EPB41L2: variants seen among roughly 807,000 people sequenced by gnomAD.
EPB41L2 encodes band 4.1-like protein 2.
A neutral mutation model predicts 113.0 loss-of-function variants in EPB41L2; 43 were observed. The ratio of observed to expected loss-of-function variants is 0.38; its 90% confidence interval spans 0.30 to 0.49. EPB41L2 has a LOEUF of 0.49. Ranked by LOEUF, EPB41L2 falls within the 20% of genes least tolerant of loss-of-function variation. EPB41L2 has a pLI of 0.95. For synonymous variants in EPB41L2, 442 were observed against 436.7 expected (o/e 1.01, Z -0.15); for missense variants, 1,147 against 1,223.4 (o/e 0.94, Z 0.93).
intron 4 of EPB41L2, among the ~76,000 whole-genome samples, chr6:130,911,829 C>G (rs1799494857): frequency 6.6e-6 from 1 of 152,102 alleles, no homozygotes; most frequent in Admixed American, 6.5e-5. Flanking sequence ...GTACAATAAA[C>G]TAATTCAAAT....
intron 1 of EPB41L2, among the ~76,000 whole-genome samples, chr6:131,005,151 G>C (rs1191703747): frequency 6.6e-6 from 1 of 151,432 alleles, no homozygotes; most frequent in Non-Finnish European, 1.5e-5. Flanking sequence ...CAATTCCCAA[G>C]ACGGTGCTTA....
rs1274700460 is a variant in EPB41L2, at chr6:130,881,550, T to C, written c.1834-1344A>G. The C allele has an allele frequency of 3.9e-5, 6 of 152,312 alleles. No individual in the cohort carries two copies. The East Asian group carries it at 1.2e-3, about 29-fold the overall frequency. The allele number at this position is 152,312 out of a possible 1,614,324, so 9.4% of individuals were successfully genotyped here. A position where few individuals can be genotyped will look rare whatever the true frequency, so the allele number is the denominator to read the frequency against. ...TTGCTCTAAATTTTGTGATTTACTG[T>C]ATGTATTGGTAGGATCCATAGAATA... On this transcript the variant is annotated intron_variant, in intron 12 of 19. Coordinates refer to ENST00000337057, the MANE Select transcript of EPB41L2 (RefSeq NM_001431.4).
intron 1 of EPB41L2, among the ~76,000 whole-genome samples, chr6:131,047,995 C>T (rs908232244): frequency 1.3e-5 from 2 of 151,730 alleles, no homozygotes; most frequent in African/African-American, 2.4e-5. Flanking sequence ...AAAAATAAGC[C>T]AGGCATAGTG....
intron 1 of EPB41L2, among the ~76,000 whole-genome samples, chr6:130,969,526 T>C (rs1776238556): frequency 6.6e-6 from 1 of 152,212 alleles, no homozygotes; most frequent in African/African-American, 2.4e-5. Flanking sequence ...GACAACCAAT[T>C]AAATATTCAG....
At chr6:130,911,459 G>A (rs71572945) in intron 4 of EPB41L2, among the ~76,000 whole-genome samples, 3,158 of 151,976 alleles carry the variant, frequency 0.021, 51 homozygotes, top group South Asian at 0.061. Context: ...ACCATGGCAC[G>A]TGTATACCTA....
intron 4 of EPB41L2, 110 bp from the exon 5 acceptor site, chr6:130,908,973 T>C (rs1489646403): frequency 5.7e-6 from 5 of 875,152 alleles, no homozygotes; most frequent in Non-Finnish European, 8.7e-6. Context: ...TAAAGTATTA[T>C]TCAAAGCAAC....
At position 131,017,038 on chromosome 6, in the gene EPB41L2, T is replaced by C. The variant is rs528089048; in HGVS notation, c.-15+46117A>G. ...AAGTATACCTAGACATTAAATTGTG[T>C]GTTGGAAAAACACTATGAAACTATT... On this transcript the variant is annotated intron_variant, in intron 1 of 19. Transcript: ENST00000337057. Among the ~76,000 whole-genome samples, 4 of 152,262 alleles carry C rather than the reference T, an allele frequency of 2.6e-5. No individual in the cohort carries two copies. The South Asian group carries it at 8.3e-4, about 32-fold the overall frequency.
chr6:131,021,657 G>A (rs927717169), intron 1 of EPB41L2, among the ~76,000 whole-genome samples: 19 of 151,520 alleles, frequency 1.3e-4, no homozygotes, highest in Admixed American at 9.9e-4. Flanking sequence ...GTGAGATTCC[G>A]TCTGGGAAAA....
At chr6:130,919,012 C>A (rs2128535178) in intron 4 of EPB41L2, among the ~76,000 whole-genome samples, 1 of 152,132 alleles carries the variant, frequency 6.6e-6, no homozygotes, top group South Asian at 2.1e-4. Context: ...TCTACATAAG[C>A]AGATAGAAAT....
At chr6:130,870,303 T>C in intron 14 of EPB41L2, 177 bp from the exon 15 acceptor site, 1 of 1,550,436 alleles carries the variant, frequency 6.4e-7, no homozygotes, top group Non-Finnish European at 8.7e-7. Context: ...GAGGCAATGG[T>C]GTTAACATGG....
intron 12 of EPB41L2, chr6:130,881,179 A>T (rs1280577285): frequency 6.6e-6 from 1 of 152,216 alleles, no homozygotes; most frequent in Non-Finnish European, 1.5e-5. Context: ...GAATAAAAAT[A>T]TTGACTCCCT....
At chr6:130,934,620 ATGCCACCATGCC>A (rs1464754081) in intron 3 of EPB41L2, among the ~76,000 whole-genome samples, 1 of 151,940 alleles carries the variant, frequency 6.6e-6, no homozygotes, top group Non-Finnish European at 1.5e-5. Context: ...CTACAGGTGC[ATGCCACCATGCC>A]TGGCTAATTT....
chr6:130,982,667 A>C (rs1237856232), intron 1 of EPB41L2, among the ~76,000 whole-genome samples: 1 of 152,188 alleles, frequency 6.6e-6, no homozygotes, highest in Non-Finnish European at 1.5e-5. Flanking sequence ...TTTCTTTCAA[A>C]AACCATTTTT....
intron 1 of EPB41L2, among the ~76,000 whole-genome samples, chr6:131,023,714 C>CAT (rs374758344): frequency 2.1e-5 from 3 of 142,118 alleles, no homozygotes; most frequent in South Asian, 2.2e-4. Flanking sequence ...AAAATGTGTG[C>CAT]GTGTGTGTGT....
At chr6:131,020,262 A>G (rs966863707) in intron 1 of EPB41L2, among the ~76,000 whole-genome samples, 3 of 152,114 alleles carry the variant, frequency 2.0e-5, no homozygotes, top group African/African-American at 7.2e-5. Context: ...ATATTTGTTC[A>G]TATCATTAAC....
intron 18 of EPB41L2, among the ~76,000 whole-genome samples, chr6:130,860,667 C>T (rs1270028512): frequency 3.3e-5 from 5 of 152,210 alleles, no homozygotes; most frequent in African/African-American, 7.2e-5. Context: ...CGAATAGCTG[C>T]GACTACAGGC....
At chr6:130,951,386 G>A (rs116975219) in intron 3 of EPB41L2, among the ~76,000 whole-genome samples, 10,107 of 134,194 alleles carry the variant, frequency 0.075, 517 homozygotes, top group Middle Eastern at 0.17. Context: ...GTACAGTGGC[G>A]CAACCTTGGC....
At chr6:130,841,842 G>A (rs758256923) in intron 19 of EPB41L2, among the ~76,000 whole-genome samples, 3 of 152,232 alleles carry the variant, frequency 2.0e-5, no homozygotes, top group Non-Finnish European at 1.5e-5. Context: ...TAAGTCTCAT[G>A]TGAGCATAGG....
chr6:131,037,295 T>C (rs901387550), intron 1 of EPB41L2, among the ~76,000 whole-genome samples: 7 of 152,166 alleles, frequency 4.6e-5, no homozygotes, highest in Admixed American at 3.9e-4. Flanking sequence ...CGGAGAAAAC[T>C]GACATTTTAA....
Sources: allele counts gnomAD v4.1 joint callset (sites outside exome capture counted in the v4.1 genomes callset), GRCh38; gene constraint gnomAD v4.1.1; transcripts MANE v1.5; gene names NCBI Gene and HGNC (gene_info 2026-07-23, HGNC 2026-07-21).